SEMA6D: variants seen among roughly 807,000 people sequenced by gnomAD.
The protein encoded by SEMA6D is semaphorin-6D.
Under a neutral mutation model 106.6 loss-of-function variants are expected in SEMA6D, and 35 were observed. The observed-to-expected ratio is 0.33, with a 90% CI of 0.25 to 0.44. The LOEUF (loss-of-function observed/expected upper bound fraction) is 0.44. Ranked by LOEUF, SEMA6D falls within the 20% of genes least tolerant of loss-of-function variation. SEMA6D has a pLI of 1.00. For synonymous variants in SEMA6D, 499 were observed against 487.7 expected (o/e 1.02, Z -0.31); for missense variants, 1,185 against 1,345.9 (o/e 0.88, Z 1.87).
intron 11 of SEMA6D, 58 bp from the exon 12 acceptor site, chr15:47,764,580 C>CATTCCTT (rs2082236828): frequency 6.3e-7 from 1 of 1,595,072 alleles, no homozygotes; most frequent in Non-Finnish European, 8.6e-7. Context: ...TCCTTAGATA[C>CATTCCTT]AGTACATGGT....
rs144437046 is a variant in SEMA6D, at chr15:47,377,450, C to T, written c.-238-34943C>T. Among the ~76,000 whole-genome samples, 4 of 152,184 alleles carry T rather than the reference C, an allele frequency of 2.6e-5. 1 individual carries two copies. Among genetic ancestry groups the T allele is most frequent in the African/African-American group, 7.2e-5 (3 of 41,506 alleles). Reference sequence around the variant, plus strand: ...AGAAACAGAGGGTAACGCTTGGGATCGGGGTGGATGGGGTTAAGCTTTTTC... The same window carrying T: ...AGAAACAGAGGGTAACGCTTGGGATTGGGGTGGATGGGGTTAAGCTTTTTC... On this transcript the variant is annotated intron_variant, in intron 1 of 19. Coordinates refer to the SEMA6D transcript ENST00000558014.
intron 4 of SEMA6D, among the ~76,000 whole-genome samples, chr15:47,609,643 T>C (rs988035121): frequency 1.3e-5 from 2 of 152,168 alleles, no homozygotes; most frequent in African/African-American, 2.4e-5. Flanking sequence ...ATAGCATATA[T>C]ATGTGATGTG....
intron 1 of SEMA6D, among the ~76,000 whole-genome samples, chr15:47,320,596 G>T (rs1023794356): frequency 2.6e-5 from 4 of 152,106 alleles, no homozygotes; most frequent in African/African-American, 9.7e-5. Flanking sequence ...ATATACTACA[G>T]ATGTCCACAT....
chr15:47,532,064 G>T (rs1163142730), intron 3 of SEMA6D, among the ~76,000 whole-genome samples: 1 of 151,980 alleles, frequency 6.6e-6, no homozygotes, highest in African/African-American at 2.4e-5. Flanking sequence ...TCTCTTTTTG[G>T]TATCCAAAGA....
chr15:47,316,440 A>G (rs1386428303), intron 1 of SEMA6D, among the ~76,000 whole-genome samples: 3 of 151,988 alleles, frequency 2.0e-5, no homozygotes, highest in Non-Finnish European at 4.4e-5. Context: ...TATAGTGTTT[A>G]AAAGCAGTAG....
chr15:47,396,561 A>G (rs1255136421), intron 1 of SEMA6D: 1 of 152,344 alleles, frequency 6.6e-6, no homozygotes, highest in East Asian at 1.9e-4. Flanking sequence ...GGCAGGAAGC[A>G]TCCAGCATGG....
intron 1 of SEMA6D, among the ~76,000 whole-genome samples, chr15:47,753,294 C>T (rs913021200): frequency 3.9e-5 from 6 of 152,180 alleles, no homozygotes; most frequent in African/African-American, 7.2e-5. Context: ...AATTCTGTTA[C>T]ATTACTAGCG....
chr15:47,667,886 A>T (rs1432709963), intron 4 of SEMA6D, among the ~76,000 whole-genome samples: 1 of 152,214 alleles, frequency 6.6e-6, no homozygotes, highest in Non-Finnish European at 1.5e-5. Context: ...TGGAGCACTG[A>T]TGCAGGTTCC....
intron 2 of SEMA6D, among the ~76,000 whole-genome samples, chr15:47,423,448 G>T (rs1284785158): frequency 2.6e-5 from 4 of 151,930 alleles, no homozygotes; most frequent in African/African-American, 9.7e-5. Context: ...CTGCCTTCTT[G>T]CTTTCTTAAG....
intron 1 of SEMA6D, among the ~76,000 whole-genome samples, chr15:47,254,875 TTGTGTGTGTGTGTGTGTGTGTG>T (rs58271041): frequency 4.5e-5 from 6 of 134,308 alleles, no homozygotes; most frequent in Admixed American, 2.2e-4. Flanking sequence ...ACCTGTGGTT[TTGTGTGTGTGTGTGTGTGTGTG>T]TGTGTGTGTG....
At chr15:47,300,682 G>A (rs1395689016) in intron 1 of SEMA6D, among the ~76,000 whole-genome samples, 1 of 152,108 alleles carries the variant, frequency 6.6e-6, no homozygotes, top group Non-Finnish European at 1.5e-5. Flanking sequence ...TGGGAACATG[G>A]AAATTGTGGA....
At chr15:47,668,008 T>C (rs924193848) in intron 4 of SEMA6D, among the ~76,000 whole-genome samples, 8 of 152,212 alleles carry the variant, frequency 5.3e-5, no homozygotes, top group African/African-American at 1.9e-4. Flanking sequence ...TATATACTAT[T>C]ATTACATGAA....
intron 1 of SEMA6D, among the ~76,000 whole-genome samples, chr15:47,391,618 A>G (rs1433839152): frequency 6.6e-6 from 1 of 152,090 alleles, no homozygotes; most frequent in Non-Finnish European, 1.5e-5. Context: ...ACATTTCACA[A>G]AGAGGCCCAA....
chr15:47,623,994 A>T (rs1333548907), intron 4 of SEMA6D, among the ~76,000 whole-genome samples: 6 of 152,130 alleles, frequency 3.9e-5, no homozygotes, highest in African/African-American at 1.4e-4. Context: ...ACCCTGGCTG[A>T]CAAAACTCCC....
At chr15:47,289,165 G>A (rs941539292) in intron 1 of SEMA6D, among the ~76,000 whole-genome samples, 2 of 151,948 alleles carry the variant, frequency 1.3e-5, no homozygotes, top group Non-Finnish European at 2.9e-5. Flanking sequence ...GAAGGCCGAG[G>A]CAGGTGAATC....
At chr15:47,227,220 A>C (rs573868686) in intron 1 of SEMA6D, among the ~76,000 whole-genome samples, 1 of 152,092 alleles carries the variant, frequency 6.6e-6, no homozygotes, top group African/African-American at 2.4e-5. Context: ...ACAGCTACAT[A>C]TAAAATAATA....
chr15:47,337,139 T>A (rs927775246), intron 1 of SEMA6D, among the ~76,000 whole-genome samples: 24 of 151,978 alleles, frequency 1.6e-4, no homozygotes, highest in African/African-American at 5.3e-4. Flanking sequence ...CCTAGTCCAG[T>A]TTTGGAAAGT....
chr15:47,727,334 C>G (rs1186159213), intron 1 of SEMA6D, among the ~76,000 whole-genome samples: 1 of 152,114 alleles, frequency 6.6e-6, no homozygotes, highest in Non-Finnish European at 1.5e-5. Flanking sequence ...GGAATGAAGC[C>G]CAGTAGTCTG....
intron 1 of SEMA6D, among the ~76,000 whole-genome samples, chr15:47,409,077 A>C (rs373360777): frequency 6.6e-6 from 1 of 152,256 alleles, no homozygotes; most frequent in Non-Finnish European, 1.5e-5. Flanking sequence ...AAGAGAACCT[A>C]GTGATCTTTT....
Sources: allele counts gnomAD v4.1 joint callset (sites outside exome capture counted in the v4.1 genomes callset), GRCh38; gene constraint gnomAD v4.1.1; transcripts MANE v1.5; gene names NCBI Gene and HGNC (gene_info 2026-07-23, HGNC 2026-07-21).